The following KHDRBS2 variants were observed in gnomAD, a reference collection of about 807,000 sequenced individuals.
KHDRBS2 encodes the protein KH domain-containing, RNA-binding, signal transduction-associated protein 2.
A neutral mutation model predicts 44.3 loss-of-function variants in KHDRBS2; 26 were observed. The ratio of observed to expected loss-of-function variants is 0.59; its 90% confidence interval spans 0.43 to 0.81. KHDRBS2 has a LOEUF of 0.81. Among genes scored for constraint, KHDRBS2 ranks in the 40% least tolerant of loss-of-function variants. The pLI is 0.00. For missense variants in KHDRBS2, 476 were observed against 433.1 expected, an observed-to-expected ratio of 1.10 and a Z score of -0.88; for synonymous variants, 194 against 151.1, an observed-to-expected ratio of 1.28 and a Z score of -2.08.
the KHDRBS2 span, among the ~76,000 whole-genome samples, chr6:61,553,728 C>A: frequency 6.6e-6 from 1 of 152,028 alleles, no homozygotes; most frequent in Non-Finnish European, 1.5e-5. Context: ...CAAAGAATTT[C>A]TTGATTTCTG....
chr6:61,955,162 A>G (rs1377712680), intron 4 of KHDRBS2, among the ~76,000 whole-genome samples: 1 of 145,348 alleles, frequency 6.9e-6, no homozygotes, highest in Non-Finnish European at 1.5e-5. Flanking sequence ...GTATGTATGT[A>G]TACATATGTG....
chr6:62,237,204 A>T (rs760448207), intron 1 of KHDRBS2, among the ~76,000 whole-genome samples: 1 of 152,200 alleles, frequency 6.6e-6, no homozygotes, highest in Non-Finnish European at 1.5e-5. Flanking sequence ...AGAGGCTCTA[A>T]AAGTTGTATT....
chr6:62,191,225 G>A (rs760269786), intron 1 of KHDRBS2, among the ~76,000 whole-genome samples: 6 of 152,058 alleles, frequency 3.9e-5, no homozygotes, highest in Admixed American at 1.3e-4. Flanking sequence ...TTGATCAACC[G>A]TTCTAGTCTT....
intron 2 of KHDRBS2, among the ~76,000 whole-genome samples, chr6:62,167,564 A>T (rs542548932): frequency 5.9e-5 from 9 of 152,112 alleles, no homozygotes; most frequent in Non-Finnish European, 1.3e-4. Flanking sequence ...TTTTCCTCAT[A>T]AAAATGTGAA....
In KHDRBS2 at chr6:62,108,494, T is replaced by C. The variant is rs908109874; in HGVS notation, c.220-60500A>G. On this transcript the variant is annotated intron_variant, in intron 2 of 8. Coordinates refer to ENST00000281156, the MANE Select transcript of KHDRBS2 (RefSeq NM_152688.4). Reference sequence around the variant, plus strand: ...AGAAATAGGAACACTTTTACACTGTTGGTGGGACTGTAAACTAGTTCAACC... The same window carrying C: ...AGAAATAGGAACACTTTTACACTGTCGGTGGGACTGTAAACTAGTTCAACC... 4.5e-4 allele frequency among the ~76,000 whole-genome samples: 69 copies of C among 152,266 alleles called. 1 individual carries two copies. Among genetic ancestry groups the C allele is most frequent in the African/African-American group, 1.6e-3 (67 of 41,552 alleles).
At chr6:61,548,761 G>A in the KHDRBS2 span, among the ~76,000 whole-genome samples, 1 of 151,928 alleles carries the variant, frequency 6.6e-6, no homozygotes, top group African/African-American at 2.4e-5. Flanking sequence ...CATCACCACA[G>A]ATAAGTTCTG....
chr6:61,699,580 C>T (rs1476577497), intron 7 of KHDRBS2, among the ~76,000 whole-genome samples: 2 of 151,816 alleles, frequency 1.3e-5, no homozygotes, highest in East Asian at 3.9e-4. Flanking sequence ...ACAGAAGGGC[C>T]TAAAATTAGA....
At chr6:61,814,152 C>G (rs1468770090) in intron 6 of KHDRBS2, 5 of 430,034 alleles carry the variant, frequency 1.2e-5, no homozygotes, top group Non-Finnish European at 1.9e-5. Context: ...CTGTAGCAAA[C>G]AGATATCAAG....
intron 4 of KHDRBS2, among the ~76,000 whole-genome samples, chr6:61,919,733 A>G (rs1450819228): frequency 6.7e-6 from 1 of 149,946 alleles, no homozygotes; most frequent in Non-Finnish European, 1.5e-5. Flanking sequence ...CAACAACAAC[A>G]AAAAAAAACC....
At chr6:61,941,456 A>G (rs1234447999) in intron 4 of KHDRBS2, among the ~76,000 whole-genome samples, 1 of 152,166 alleles carries the variant, frequency 6.6e-6, no homozygotes, top group Non-Finnish European at 1.5e-5. Flanking sequence ...GCCTAAGAAT[A>G]GGCCAAACTG....
At chr6:61,736,988 T>A (rs945381622) in intron 6 of KHDRBS2, among the ~76,000 whole-genome samples, 2 of 152,088 alleles carry the variant, frequency 1.3e-5, no homozygotes, top group Non-Finnish European at 2.9e-5. Flanking sequence ...CTTAGCATAG[T>A]TTATCCCATA....
rs1797893705 is a variant in KHDRBS2 at position 61,866,982 on chromosome 6, AT to A, written c.810+27652del. 3.3e-5 allele frequency among the ~76,000 whole-genome samples: 5 copies of A among 152,038 alleles called. No homozygotes were observed. In the South Asian group the frequency reaches 1.0e-3, roughly 32 times the overall value. On this transcript the variant is annotated intron_variant, in intron 6 of 8. Coordinates refer to ENST00000281156, the MANE Select transcript of KHDRBS2 (RefSeq NM_152688.4). ...TCTAGAAAGTTCCAAACTTTCCCAC[AT>A]TTTCCTATCTTCTTCTGAGCCCTCC...
At chr6:61,839,975 G>A (rs1462561408) in intron 6 of KHDRBS2, among the ~76,000 whole-genome samples, 1 of 152,024 alleles carries the variant, frequency 6.6e-6, no homozygotes, top group African/African-American at 2.4e-5. Flanking sequence ...TATTATTTAT[G>A]CACTAATGAT....
At chr6:61,707,688 A>G (rs1562000852) in intron 7 of KHDRBS2, among the ~76,000 whole-genome samples, 1 of 151,698 alleles carries the variant, frequency 6.6e-6, no homozygotes. Flanking sequence ...TATCAATACT[A>G]CAAGCTAGTA....
intron 6 of KHDRBS2, among the ~76,000 whole-genome samples, chr6:61,891,894 T>C (rs1203414099): frequency 2.0e-5 from 3 of 152,170 alleles, no homozygotes; most frequent in African/African-American, 7.2e-5. Context: ...TTGGAAGTTC[T>C]GGCCAGGGCA....
chr6:61,884,906 G>A (rs1325109004), intron 6 of KHDRBS2, among the ~76,000 whole-genome samples: 1 of 151,974 alleles, frequency 6.6e-6, no homozygotes, highest in African/African-American at 2.4e-5. Flanking sequence ...TCTTCAGGGT[G>A]GGATGCAAAG....
chr6:61,850,227 C>T (rs1263765549), intron 6 of KHDRBS2, among the ~76,000 whole-genome samples: 4 of 151,838 alleles, frequency 2.6e-5, no homozygotes, highest in Admixed American at 1.3e-4. Flanking sequence ...GTTTTTTGGA[C>T]TAGGCAAATG....
chr6:62,043,763 C>T (rs1787064271), intron 3 of KHDRBS2, among the ~76,000 whole-genome samples: 1 of 151,962 alleles, frequency 6.6e-6, no homozygotes, highest in Non-Finnish European at 1.5e-5. Context: ...TTAGATACCA[C>T]TAGAATTATT....
At chr6:61,817,068 T>C in intron 6 of KHDRBS2, 1 of 407,866 alleles carries the variant, frequency 2.5e-6, no homozygotes, top group Admixed American at 2.8e-5. Context: ...ATTCAGGTTT[T>C]CTAAAAAAAC....
Sources: gnomAD v4.1 joint callset for allele counts (sites outside exome capture counted in the v4.1 genomes callset) on GRCh38, gnomAD v4.1.1 for gene constraint, MANE v1.5 for transcripts, NCBI Gene and HGNC (gene_info 2026-07-23, HGNC 2026-07-21) for gene names.